Variants in PLEKHG4B observed in about 807,000 individuals in gnomAD.
The protein encoded by PLEKHG4B is pleckstrin homology domain-containing family G member 4B.
A neutral mutation model predicts 121.3 loss-of-function variants in PLEKHG4B; 111 were observed. The observed-to-expected ratio is 0.92, with a 90% CI of 0.78 to 1.07. The LOEUF (loss-of-function observed/expected upper bound fraction) is 1.07. Ranked by LOEUF, PLEKHG4B falls within the 50% of genes least tolerant of loss-of-function variation. The pLI, the probability that PLEKHG4B is intolerant of heterozygous loss-of-function variation, is 0.00. For synonymous variants in PLEKHG4B, 738 were observed against 725.0 expected (o/e 1.02, Z -0.29); for missense variants, 1,831 against 1,757.8 (o/e 1.04, Z -0.74).
At chr5:105,664 C>T (rs1235581192) in intron 1 of PLEKHG4B, among the ~76,000 whole-genome samples, 3 of 152,208 alleles carry the variant, frequency 2.0e-5, no homozygotes, top group East Asian at 1.9e-4. Context: ...TTCATTCAGC[C>T]GTGCTGCTAG....
chr5:107,863 C>T (rs184727778), intron 1 of PLEKHG4B, among the ~76,000 whole-genome samples: 272 of 152,312 alleles, frequency 1.8e-3, no homozygotes, highest in Non-Finnish European at 2.9e-3. Context: ...CCGGGTGGGG[C>T]TGGGGCACCA....
At chr5:99,172 A>ATG (rs1359426303) in intron 1 of PLEKHG4B, among the ~76,000 whole-genome samples, 14 of 1,022 alleles carry the variant, frequency 0.014, no homozygotes, top group Non-Finnish European at 0.057. Flanking sequence ...AAAAAAGTGT[A>ATG]TATATATATA....
chr5:155,411 C>A lies in PLEKHG4B; in HGVS notation c.2176C>A (p.Leu726Met), dbSNP rs770549223. 5.0e-6 allele frequency: 8 copies of A among 1,614,214 alleles called. No homozygotes were observed. The highest frequency in any genetic ancestry group is 6.8e-6 in the Non-Finnish European group (8 of 1,180,026). ...TTTCCTACAGAATTCATTCTGCTCC[C>A]TGAACACCCACAGAACCCCAAGAAC... ...IIFLQNSFCS[L>M]NTHRTPRTAQ... is the part of the protein sequence containing the mutation. Residue 726 changes from leucine (L) to methionine (M), a missense_variant, in exon 9 of 20, where the codon CTG becomes ATG. Leu to Met is a conservative substitution (Grantham distance 15, BLOSUM62 2). Coordinates refer to ENST00000637938, the MANE Select transcript of PLEKHG4B (RefSeq NM_052909.5).
At chr5:142,204 T>A (rs1196944001) in intron 3 of PLEKHG4B, among the ~76,000 whole-genome samples, 1 of 152,106 alleles carries the variant, frequency 6.6e-6, no homozygotes, top group Non-Finnish European at 1.5e-5. Flanking sequence ...TCCTAACCCC[T>A]CCCCGTGGTT....
chr5:166,575 C>T (rs1249191533), intron 13 of PLEKHG4B, among the ~76,000 whole-genome samples: 1 of 151,924 alleles, frequency 6.6e-6, no homozygotes, highest in East Asian at 1.9e-4. Context: ...CGGGGCGGGG[C>T]TCACACTAAT....
At chr5:146,181 T>A (rs1447759736) in intron 6 of PLEKHG4B, among the ~76,000 whole-genome samples, 1 of 127,850 alleles carries the variant, frequency 7.8e-6, no homozygotes, top group Non-Finnish European at 1.6e-5. Flanking sequence ...CCCTCCCTCC[T>A]CTTCCTTTCC....
At chr5:138,513 C>G (rs925825831) in intron 2 of PLEKHG4B, among the ~76,000 whole-genome samples, 6 of 152,244 alleles carry the variant, frequency 3.9e-5, no homozygotes, top group African/African-American at 1.4e-4. Context: ...GTGTCTCTTT[C>G]AGTGGCAAAT....
At position 156,058 on chromosome 5, in the gene PLEKHG4B, C is replaced by G. The variant is rs1261346558; in HGVS notation, c.2209-13C>G. 2 of 1,568,606 alleles carry G rather than the reference C, an allele frequency of 1.3e-6. No individual in the cohort carries two copies. The highest frequency in any genetic ancestry group is 1.7e-6 in the Non-Finnish European group (2 of 1,155,406). On this transcript the variant is annotated splice_polypyrimidine_tract_variant and intron_variant, in intron 9 of 19. Coordinates refer to ENST00000637938, the MANE Select transcript of PLEKHG4B (RefSeq NM_052909.5). The surrounding 1 kb of genome is among the most constrained non-coding windows in gnomAD (Gnocchi z 4.4). ...GAGGGAGTTAAAGGCTTATTCCTCC[C>G]CATCCCGTGCAGGAAGTCGCCGAGT...
In PLEKHG4B at chr5:163,524, AGG is replaced by A; in HGVS notation, c.3453_3454del (p.Asp1152TrpfsTer33). ...CCCTCGGGGCTCCACCCTGCTGAGG[AGG>A]ATGGGAGGCAGCAGGTGGGCAGGTG... On this transcript the variant is annotated frameshift_variant, in exon 13 of 20. Transcript: ENST00000637938. LOFTEE classifies it high-confidence loss of function. 6.2e-7 allele frequency: 1 copy of A among 1,604,488 alleles called. No homozygotes were observed. Among genetic ancestry groups the A allele is most frequent in the Non-Finnish European group, 8.5e-7 (1 of 1,175,318 alleles).
At chr5:103,093 C>T (rs1372222014) in intron 1 of PLEKHG4B, among the ~76,000 whole-genome samples, 2 of 152,160 alleles carry the variant, frequency 1.3e-5, no homozygotes, top group African/African-American at 4.8e-5. Flanking sequence ...GGAGCCTTGC[C>T]CTGGGATGGC....
intron 2 of PLEKHG4B, among the ~76,000 whole-genome samples, chr5:115,929 G>C (rs754976031): frequency 3.3e-5 from 5 of 152,184 alleles, no homozygotes; most frequent in Non-Finnish European, 5.9e-5. Context: ...CATATCATTT[G>C]TGTGTTCCTT....
chr5:139,948 C>A lies in PLEKHG4B; in HGVS notation c.709C>A (p.Pro237Thr). The stretch of plus-strand genomic sequence containing the variant: ...AGTCCCCACCCAAGCCACAGCAGGC[C>A]CCCATTTCCAGGGAAGCGCCTCTTG... ...APVPTQATAG[P>T]HFQGSASCPD... Residue 237 changes from proline (P) to threonine (T), a missense_variant, in exon 3 of 20, where the codon CCC becomes ACC. By Grantham distance (38) the Pro-to-Thr change is conservative. Coordinates refer to ENST00000637938, the MANE Select transcript of PLEKHG4B (RefSeq NM_052909.5). This position sits in a 1 kb window ranked among gnomAD's most constrained non-coding sequence, Gnocchi z 5.0. 1 of 408,708 alleles carries A rather than the reference C, an allele frequency of 2.4e-6. No individual in the cohort carries two copies. The allele number at this position is 408,708 out of a possible 1,614,324, so 25.3% of individuals were successfully genotyped here. A position where few individuals can be genotyped will look rare whatever the true frequency, so the allele number is the denominator to read the frequency against.
In PLEKHG4B at chr5:183,291, C is replaced by G. The variant is rs1239719193; in HGVS notation, c.*968C>G. On this transcript the variant is annotated 3_prime_UTR_variant, in exon 20 of 20. Coordinates refer to ENST00000637938, the MANE Select transcript of PLEKHG4B (RefSeq NM_052909.5). ...TAGGGGTTACCAAAGTGTCCACACC[C>G]TGCAAGGTAAACTCACAGTGCCTGA... 3 of 152,226 alleles carry G rather than the reference C, an allele frequency of 2.0e-5. No individual in the cohort carries two copies. The highest frequency in any genetic ancestry group is 2.9e-5 in the Non-Finnish European group (2 of 68,068). The allele number at this position is 152,226 out of a possible 1,614,324, so 9.4% of individuals were successfully genotyped here.
intron 5 of PLEKHG4B, chr5:144,250 TC>T (rs1647882014): frequency 1.3e-5 from 2 of 152,538 alleles, no homozygotes; most frequent in Admixed American, 1.3e-4. Flanking sequence ...CCTACCATTC[TC>T]TCCTATTAAA....
chr5:181,557 G>A lies in PLEKHG4B; in HGVS notation c.4446G>A (p.Gln1482=). Residue 1482 remains glutamine (Q), a synonymous_variant, in exon 19 of 20, where the codon CAG becomes CAA. Coordinates refer to ENST00000637938, the MANE Select transcript of PLEKHG4B (RefSeq NM_052909.5). ...QEMASMGIGN[Q]PFMDVKPRDR... Reference sequence around the variant, plus strand: ...TGGCATCCATGGGTATAGGCAACCAGCCATTCATGGATGTCAAGCCCAGAG... The same window carrying A: ...TGGCATCCATGGGTATAGGCAACCAACCATTCATGGATGTCAAGCCCAGAG... 1 of 1,614,046 alleles carries A rather than the reference G, an allele frequency of 6.2e-7. No homozygotes were observed. Among genetic ancestry groups the A allele is most frequent in the Non-Finnish European group, 8.5e-7 (1 of 1,179,978 alleles).
intron 2 of PLEKHG4B, among the ~76,000 whole-genome samples, chr5:123,657 A>C (rs1734530925): frequency 6.6e-6 from 1 of 152,186 alleles, no homozygotes; most frequent in Non-Finnish European, 1.5e-5. Context: ...TGTACAGCTA[A>C]TAATAATTTT....
chr5:115,986 A>G (rs567683409), intron 2 of PLEKHG4B, among the ~76,000 whole-genome samples: 2 of 152,200 alleles, frequency 1.3e-5, no homozygotes, highest in Non-Finnish European at 2.9e-5. Flanking sequence ...TAGTGTTTAC[A>G]GCTTAGCTGA....
At chr5:169,880 C>T (rs375316917) in intron 14 of PLEKHG4B, among the ~76,000 whole-genome samples, 1 of 152,230 alleles carries the variant, frequency 6.6e-6, no homozygotes, top group South Asian at 2.1e-4. Flanking sequence ...GCCAGCAGCC[C>T]TTCTCCTTTA....
chr5:182,438 G>A lies in PLEKHG4B; in HGVS notation c.*115G>A. 1 of 1,027,882 alleles carries A rather than the reference G, an allele frequency of 9.7e-7. No homozygotes were observed. The highest frequency in any genetic ancestry group is 1.4e-6 in the Non-Finnish European group (1 of 713,430). 63.7% of individuals were successfully genotyped at this position (1,027,882 alleles called of 1,614,324 possible). A position where few individuals can be genotyped will look rare whatever the true frequency, so the allele number is the denominator to read the frequency against. ...CCCATCGCGTGGCTGGAACGATCCA[G>A]AGGGAATAGCACAGCAGGTGTCCAG... On this transcript the variant is annotated 3_prime_UTR_variant, in exon 20 of 20. Transcript: ENST00000637938.
Sources: allele counts gnomAD v4.1 joint callset (sites outside exome capture counted in the v4.1 genomes callset), GRCh38; gene constraint gnomAD v4.1.1; non-coding constraint Gnocchi (gnomAD v3.1); transcripts MANE v1.5; gene names NCBI Gene and HGNC (gene_info 2026-07-23, HGNC 2026-07-21).